Variants in EDAR observed in about 807,000 individuals in gnomAD.
The protein encoded by EDAR is tumor necrosis factor receptor superfamily member EDAR.
A neutral mutation model predicts 51.3 loss-of-function variants in EDAR; 38 were observed. That is an observed-to-expected ratio of 0.74 (90% CI 0.57 to 0.97). The LOEUF (loss-of-function observed/expected upper bound fraction) is 0.97, where lower values mean the gene tolerates loss of function less well. Ranked by LOEUF, EDAR falls within the 50% of genes least tolerant of loss-of-function variation. EDAR has a pLI of 0.00. For synonymous variants in EDAR, 227 were observed against 242.1 expected, an observed-to-expected ratio of 0.94 and a Z score of 0.58; for missense variants, 528 against 595.0, an observed-to-expected ratio of 0.89 and a Z score of 1.17.
At chr2:108,925,020 C>G (rs1371118030) in intron 4 of EDAR, among the ~76,000 whole-genome samples, 1 of 152,234 alleles carries the variant, frequency 6.6e-6, no homozygotes, top group Non-Finnish European at 1.5e-5. Flanking sequence ...CTCACTTCCT[C>G]GCCCTTGCCT....
intron 1 of EDAR, among the ~76,000 whole-genome samples, chr2:108,933,767 A>G (rs1697414945): frequency 6.6e-6 from 1 of 151,642 alleles, no homozygotes. Context: ...CAGCGACGGG[A>G]GATCGGGGTG....
intron 1 of EDAR, among the ~76,000 whole-genome samples, chr2:108,940,955 C>T (rs1272541731): frequency 6.6e-6 from 1 of 152,292 alleles, no homozygotes; most frequent in South Asian, 2.1e-4. Context: ...CGTATATACA[C>T]CCCCTGTGGC....
chr2:108,932,310 C>T (rs554290156), intron 1 of EDAR, among the ~76,000 whole-genome samples: 10 of 152,022 alleles, frequency 6.6e-5, no homozygotes, highest in African/African-American at 2.4e-4. Flanking sequence ...GGGCGGATCA[C>T]GAGGTCAGGA....
Position 108,968,071 on chromosome 2 carries a change from G to A in EDAR, c.-19+20889C>T, listed in dbSNP as rs984861623. Among the ~76,000 whole-genome samples the A allele has an allele frequency of 3.9e-5, 6 of 152,154 alleles. 1 individual carries two copies. Among genetic ancestry groups the A allele is most frequent in the Non-Finnish European group, 8.8e-5 (6 of 68,026 alleles). On this transcript the variant is annotated intron_variant, in intron 1 of 11. Transcript: ENST00000258443. The stretch of plus-strand genomic sequence containing the variant: ...TGTCCCAAGAATGCCTCAGTCCCAG[G>A]CCCTGGGATGGAGCTGAGTGCTGCA...
intron 9 of EDAR, among the ~76,000 whole-genome samples, chr2:108,908,285 T>A (rs260635): frequency 1.3e-5 from 2 of 152,052 alleles, no homozygotes; most frequent in Non-Finnish European, 2.9e-5. Context: ...TGCCACTGCG[T>A]GTGGGAGGCA....
chr2:108,954,221 T>G (rs935567567), intron 1 of EDAR, among the ~76,000 whole-genome samples: 2 of 152,180 alleles, frequency 1.3e-5, no homozygotes, highest in Non-Finnish European at 2.9e-5. Context: ...CATTTTCTCT[T>G]TAGAACTGGA....
chr2:108,936,466 A>G (rs1431371272), intron 1 of EDAR, among the ~76,000 whole-genome samples: 28 of 87,398 alleles, frequency 3.2e-4, no homozygotes, highest in Admixed American at 2.6e-3. Context: ...GGAGGCAGCC[A>G]CAGAGCTGGC....
At chr2:108,965,473 A>AAG (rs1159516590) in intron 1 of EDAR, among the ~76,000 whole-genome samples, 1 of 151,678 alleles carries the variant, frequency 6.6e-6, no homozygotes, top group African/African-American at 2.4e-5. Context: ...TCAAAAAAAA[A>AAG]AAAAAAGATA....
chr2:108,926,058 T>A lies in EDAR; in HGVS notation c.357-2605A>T, dbSNP rs552193203. ...TTGCTGCATGCAACATTTCTAAATG[T>A]TAGGTTCTCTCTGTAGGACTAGGCT... On this transcript the variant is annotated intron_variant, in intron 4 of 11. Transcript: ENST00000258443. Among the ~76,000 whole-genome samples the A allele has an allele frequency of 2.3e-3, 352 of 152,326 alleles. 1 individual carries two copies. Among genetic ancestry groups the A allele is most frequent in the African/African-American group, 8.1e-3 (337 of 41,566 alleles).
At chr2:108,963,414 C>T (rs1698091265) in intron 1 of EDAR, among the ~76,000 whole-genome samples, 3 of 152,122 alleles carry the variant, frequency 2.0e-5, no homozygotes, top group Non-Finnish European at 4.4e-5. Flanking sequence ...AAAAACTGCA[C>T]AAGGACATTT....
chr2:108,918,499 G>C (rs1697068024), intron 5 of EDAR, among the ~76,000 whole-genome samples: 2 of 152,198 alleles, frequency 1.3e-5, no homozygotes, highest in African/African-American at 2.4e-5. Flanking sequence ...AATAAGCAAG[G>C]CTGGGGTGTT....
intron 1 of EDAR, among the ~76,000 whole-genome samples, chr2:108,987,942 T>C (rs979327994): frequency 3.3e-5 from 5 of 152,234 alleles, no homozygotes; most frequent in African/African-American, 4.8e-5. Context: ...GATCCCTTTT[T>C]TCCTTCAGTC....
intron 1 of EDAR, among the ~76,000 whole-genome samples, chr2:108,975,868 A>G (rs1396914544): frequency 6.6e-6 from 1 of 152,098 alleles, no homozygotes; most frequent in Non-Finnish European, 1.5e-5. Flanking sequence ...CGTTCTGTGG[A>G]TGGTGGAAAG....
At chr2:108,907,340 G>A (rs1248686597) in intron 10 of EDAR, among the ~76,000 whole-genome samples, 1 of 152,082 alleles carries the variant, frequency 6.6e-6, no homozygotes, top group Non-Finnish European at 1.5e-5. Flanking sequence ...TTTTGTGTAT[G>A]AAGCTATATA....
At chr2:108,913,239 G>A (rs540996166) in intron 5 of EDAR, among the ~76,000 whole-genome samples, 57 of 152,028 alleles carry the variant, frequency 3.7e-4, no homozygotes, top group African/African-American at 1.1e-3. Context: ...ATGAGCCACC[G>A]CGCCCGGCTG....
intron 1 of EDAR, among the ~76,000 whole-genome samples, chr2:108,946,408 C>T (rs1282499122): frequency 6.6e-6 from 1 of 152,194 alleles, no homozygotes; most frequent in East Asian, 1.9e-4. Flanking sequence ...ACAAAGACAA[C>T]CCCTTGGGGA....
At chr2:108,901,173 G>C (rs1010886880) in intron 11 of EDAR, among the ~76,000 whole-genome samples, 1 of 152,076 alleles carries the variant, frequency 6.6e-6, no homozygotes, top group African/African-American at 2.4e-5. Context: ...AATAGAATCA[G>C]AATATAAATA....
chr2:108,983,124 C>T (rs1053728428), intron 1 of EDAR, among the ~76,000 whole-genome samples: 1 of 152,188 alleles, frequency 6.6e-6, no homozygotes, highest in Non-Finnish European at 1.5e-5. Flanking sequence ...TGTCAGTGCC[C>T]TCCCTTGGCC....
chr2:108,942,947 A>T (rs1160041565), intron 1 of EDAR, among the ~76,000 whole-genome samples: 3 of 152,204 alleles, frequency 2.0e-5, no homozygotes, highest in Admixed American at 2.0e-4. Flanking sequence ...GGATTAGACC[A>T]TGCCTTCCCG....
Sources: gnomAD v4.1 joint callset for allele counts (sites outside exome capture counted in the v4.1 genomes callset) on GRCh38, gnomAD v4.1.1 for gene constraint, MANE v1.5 for transcripts, NCBI Gene and HGNC (gene_info 2026-07-23, HGNC 2026-07-21) for gene names.